The following ZSCAN5A variants were observed in gnomAD, a reference collection of about 807,000 sequenced individuals.
ZSCAN5A encodes the protein zinc finger and SCAN domain-containing protein 5A.
In ZSCAN5A, 12 loss-of-function variants were observed where a neutral mutation model predicts 23.7. That is an observed-to-expected ratio of 0.51 (90% CI 0.32 to 0.82). The LOEUF (loss-of-function observed/expected upper bound fraction) is 0.82. Among genes scored for constraint, ZSCAN5A ranks in the 40% least tolerant of loss-of-function variants. ZSCAN5A has a pLI of 0.03. For missense variants in ZSCAN5A, 597 were observed against 617.9 expected, an observed-to-expected ratio of 0.97 and a Z score of 0.36; for synonymous variants, 257 against 239.9, an observed-to-expected ratio of 1.07 and a Z score of -0.66.
chr19:56,350,237 G>A (rs985253064), intron 2 of ZSCAN5A, among the ~76,000 whole-genome samples: 1 of 152,194 alleles, frequency 6.6e-6, no homozygotes, highest in Non-Finnish European at 1.5e-5. Flanking sequence ...CACTAAGTTT[G>A]AAAAGACTTT....
chr19:56,261,215 AG>A (rs1405542869), intron 2 of ZSCAN5A, among the ~76,000 whole-genome samples: 2 of 151,646 alleles, frequency 1.3e-5, no homozygotes, highest in Admixed American at 6.6e-5. Context: ...AAAAAAAAAA[AG>A]AAAAAAATAA....
chr19:56,334,388 A>G (rs183601318), intron 2 of ZSCAN5A, among the ~76,000 whole-genome samples: 1 of 152,306 alleles, frequency 6.6e-6, no homozygotes, highest in Admixed American at 6.5e-5. Flanking sequence ...TTATTTTATT[A>G]TTATTTTTAA....
At chr19:56,234,801 T>C (rs1253821709) in intron 2 of ZSCAN5A, among the ~76,000 whole-genome samples, 1 of 152,148 alleles carries the variant, frequency 6.6e-6, no homozygotes, top group Non-Finnish European at 1.5e-5. Context: ...GGACAGGAAT[T>C]GCTCACTCGT....
intron 2 of ZSCAN5A, among the ~76,000 whole-genome samples, chr19:56,279,633 T>C (rs954894413): frequency 1.3e-5 from 2 of 152,212 alleles, no homozygotes; most frequent in Admixed American, 6.5e-5. Context: ...GAGAATCACA[T>C]GGGAAACTTT....
At chr19:56,238,689 A>G (rs1349442460) in intron 2 of ZSCAN5A, among the ~76,000 whole-genome samples, 1 of 152,178 alleles carries the variant, frequency 6.6e-6, no homozygotes, top group Non-Finnish European at 1.5e-5. Flanking sequence ...CTCTACAAGA[A>G]AAACTATAAA....
intron 2 of ZSCAN5A, among the ~76,000 whole-genome samples, chr19:56,262,548 G>A (rs2037199851): frequency 6.6e-6 from 1 of 151,580 alleles, no homozygotes; most frequent in Admixed American, 6.6e-5. Context: ...CAGCCTCCCA[G>A]TATCCCAAGT....
At chr19:56,294,880 A>C (rs922816502) in intron 2 of ZSCAN5A, among the ~76,000 whole-genome samples, 2 of 152,224 alleles carry the variant, frequency 1.3e-5, no homozygotes, top group African/African-American at 4.8e-5. Flanking sequence ...CCAGACACAA[A>C]AGCACATAGG....
intron 2 of ZSCAN5A, among the ~76,000 whole-genome samples, chr19:56,341,968 A>C (rs990845855): frequency 6.6e-6 from 1 of 152,188 alleles, no homozygotes; most frequent in Non-Finnish European, 1.5e-5. Context: ...AAATTAAAAA[A>C]TAAAATATCT....
chr19:56,249,233 G>A (rs2036173244), intron 2 of ZSCAN5A, among the ~76,000 whole-genome samples: 2 of 152,158 alleles, frequency 1.3e-5, no homozygotes, highest in Non-Finnish European at 2.9e-5. Flanking sequence ...CAGTTTAGTA[G>A]ATCAGGGGTG....
At chr19:56,361,427 TCACAATTGCAAAGA>T (rs1219955097) in intron 2 of ZSCAN5A, among the ~76,000 whole-genome samples, 1 of 152,238 alleles carries the variant, frequency 6.6e-6, no homozygotes, top group Non-Finnish European at 1.5e-5. Context: ...GTAACACTAT[TCACAATTGCAAAGA>T]CACGAAATCA....
intron 2 of ZSCAN5A, among the ~76,000 whole-genome samples, chr19:56,275,561 C>G (rs771149705): frequency 9.2e-5 from 14 of 152,160 alleles, no homozygotes; most frequent in Non-Finnish European, 1.5e-4. Context: ...TGAGACTCAT[C>G]TCTACAAAAA....
At chr19:56,247,694 T>A (rs751204021) in intron 2 of ZSCAN5A, among the ~76,000 whole-genome samples, 4 of 80,570 alleles carry the variant, frequency 5.0e-5, no homozygotes, top group Non-Finnish European at 1.1e-4. Context: ...CTGTTCTTTC[T>A]TTTATTATTT....
chr19:56,311,179 A>C (rs66827723), intron 2 of ZSCAN5A, among the ~76,000 whole-genome samples: 9,448 of 152,188 alleles, frequency 0.062, 420 homozygotes, highest in African/African-American at 0.12. Flanking sequence ...GCATGCTTGC[A>C]AAGCTATTTA....
chr19:56,233,065 G>A (rs1424052825), intron 2 of ZSCAN5A, among the ~76,000 whole-genome samples: 4 of 152,204 alleles, frequency 2.6e-5, no homozygotes, highest in Non-Finnish European at 5.9e-5. Context: ...AGAGGCATTC[G>A]TTGGAGCTGT....
At chr19:56,250,182 A>G (rs536701490) in intron 2 of ZSCAN5A, among the ~76,000 whole-genome samples, 34 of 152,318 alleles carry the variant, frequency 2.2e-4, no homozygotes, top group African/African-American at 7.7e-4. Flanking sequence ...GGCTGCTCCT[A>G]AGGATAAGAT....
At chr19:56,340,739 A>G (rs979741558) in intron 2 of ZSCAN5A, 1 of 152,232 alleles carries the variant, frequency 6.6e-6, no homozygotes, top group Non-Finnish European at 1.5e-5. Context: ...AGAAGGAGAT[A>G]TACTGGAACT....
intron 1 of ZSCAN5A, among the ~76,000 whole-genome samples, chr19:56,366,942 T>C (rs1248617785): frequency 6.6e-6 from 1 of 152,138 alleles, no homozygotes; most frequent in Non-Finnish European, 1.5e-5. Context: ...GGCACTCTAA[T>C]AGGCAAAATA....
intron 2 of ZSCAN5A, chr19:56,280,713 G>A (rs1046361744): frequency 2.0e-5 from 3 of 152,090 alleles, no homozygotes; most frequent in Non-Finnish European, 2.9e-5. Context: ...ATGATCAAAG[G>A]ACAGAGAGAG....
chr19:56,228,911 AAC>A (rs1341212447), intron 2 of ZSCAN5A, among the ~76,000 whole-genome samples: 1 of 152,212 alleles, frequency 6.6e-6, no homozygotes, highest in Non-Finnish European at 1.5e-5. Context: ...CTTATATAAA[AAC>A]AGTGGGAACC....
Sources: gnomAD v4.1 joint callset for allele counts (sites outside exome capture counted in the v4.1 genomes callset) on GRCh38, gnomAD v4.1.1 for gene constraint, MANE v1.5 for transcripts, NCBI Gene and HGNC (gene_info 2026-07-23, HGNC 2026-07-21) for gene names.